Variants in HMCN1 observed in about 807,000 individuals in gnomAD.
HMCN1 encodes hemicentin-1.
A neutral mutation model predicts 625.9 loss-of-function variants in HMCN1; 321 were observed. The observed-to-expected ratio is 0.51, with a 90% confidence interval of 0.47 to 0.56. The LOEUF is 0.56. Ranked by LOEUF, HMCN1 falls within the 20% of genes least tolerant of loss-of-function variation. The pLI, the probability that HMCN1 is intolerant of heterozygous loss-of-function variation, is 0.00. For missense variants in HMCN1, 6,588 were observed against 6,887.3 expected (o/e 0.96, Z 1.54); for synonymous variants, 2,425 against 2,417.6 (o/e 1.00, Z -0.09).
chr1:185,865,045 T>C (rs1663095272), intron 3 of HMCN1, among the ~76,000 whole-genome samples: 1 of 152,350 alleles, frequency 6.6e-6, no homozygotes, highest in East Asian at 1.9e-4. Flanking sequence ...ACAATAAGCA[T>C]TTATTTCTCA....
intron 86 of HMCN1, among the ~76,000 whole-genome samples, chr1:186,135,643 G>A (rs1177082904): frequency 6.6e-6 from 1 of 152,090 alleles, no homozygotes; most frequent in Non-Finnish European, 1.5e-5. Context: ...CTATTGCATT[G>A]CCCAAATATA....
intron 2 of HMCN1, among the ~76,000 whole-genome samples, chr1:185,858,396 G>C (rs1172060313): frequency 6.6e-6 from 1 of 151,624 alleles, no homozygotes; most frequent in Non-Finnish European, 1.5e-5. Flanking sequence ...AAATGAAACT[G>C]CGGCAGACGT....
chr1:186,133,842 T>G (rs937267686), intron 86 of HMCN1, among the ~76,000 whole-genome samples: 4 of 152,102 alleles, frequency 2.6e-5, no homozygotes, highest in African/African-American at 9.7e-5. Flanking sequence ...GTTCTTTTAT[T>G]TATTAAATAT....
At chr1:185,973,131 C>A (rs1158240542) in intron 15 of HMCN1, among the ~76,000 whole-genome samples, 1 of 152,064 alleles carries the variant, frequency 6.6e-6, no homozygotes, top group Admixed American at 6.6e-5. Context: ...TAAGTGGTAC[C>A]TACCTCACTG....
At position 185,989,524 on chromosome 1, in the gene HMCN1, T is replaced by G. The variant is rs759071983; in HGVS notation, c.3085T>G (p.Ser1029Ala). ...ELISTSSAKF[S>A]AGADGSLYVV... ...GATTTCAACCAGCAGTGCTAAGTTT[T>G]CAGCAGGAGCTGATGGTAGTCTGTA... is the stretch of plus-strand genomic sequence containing the variant. Residue 1029 changes from serine to alanine, a missense_variant, in exon 21 of 107, where the codon TCA becomes GCA. Physicochemically the swap from Ser to Ala is moderately conservative, Grantham distance 99. Around this residue, in one of 3 missense-constraint regions of HMCN1, gnomAD observed 4,628 missense variants for 4,853.1 expected, o/e 0.95. Transcript: ENST00000271588. 5.6e-6 allele frequency: 9 copies of G among 1,614,090 alleles called. No homozygotes were observed. The highest frequency in any genetic ancestry group is 7.6e-6 in the Non-Finnish European group (9 of 1,179,992).
Position 185,734,532 on chromosome 1 carries a change from G to A in HMCN1, c.-248G>A. 2 of 506,792 alleles carry A rather than the reference G, an allele frequency of 3.9e-6. No homozygotes were observed. Among genetic ancestry groups the A allele is most frequent in the Non-Finnish European group, 7.1e-6 (2 of 281,748 alleles). 31.4% of individuals were successfully genotyped at this position (506,792 alleles called of 1,614,324 possible). Reference sequence around the variant, plus strand: ...GCCACAGGCTGTCCAGGGCCCGCGGGCAGATAGCAGTCCAGGAGGAAGCCG... The same window carrying A: ...GCCACAGGCTGTCCAGGGCCCGCGGACAGATAGCAGTCCAGGAGGAAGCCG... On this transcript the variant is annotated 5_prime_UTR_variant, in exon 1 of 107. Coordinates refer to ENST00000271588, the MANE Select transcript of HMCN1 (RefSeq NM_031935.3).
intron 97 of HMCN1, among the ~76,000 whole-genome samples, chr1:186,155,702 C>A (rs980217928): frequency 2.6e-5 from 4 of 152,060 alleles, no homozygotes; most frequent in Non-Finnish European, 4.4e-5. Context: ...CCTTTAAGGC[C>A]CCTTACTATC....
chr1:186,052,652 T>A (rs1383741045), intron 42 of HMCN1, among the ~76,000 whole-genome samples: 1 of 152,066 alleles, frequency 6.6e-6, no homozygotes, highest in African/African-American at 2.4e-5. Flanking sequence ...ATATCTTGCA[T>A]CAAATATACA....
chr1:185,783,618 C>G (rs1657319508), intron 1 of HMCN1, among the ~76,000 whole-genome samples: 1 of 152,132 alleles, frequency 6.6e-6, no homozygotes, highest in Non-Finnish European at 1.5e-5. Context: ...CACTCCAGAC[C>G]CTGTTTGCCT....
chr1:186,043,434 A>G (rs1195749267), intron 40 of HMCN1, among the ~76,000 whole-genome samples: 1 of 151,996 alleles, frequency 6.6e-6, no homozygotes, highest in Non-Finnish European at 1.5e-5. Context: ...TTGTTTTTGC[A>G]TTTTTTCCTC....
chr1:185,842,434 A>C (rs567815498), intron 1 of HMCN1, among the ~76,000 whole-genome samples: 1 of 152,112 alleles, frequency 6.6e-6, no homozygotes. Context: ...ATGGTGGCTT[A>C]TACCTGTGGT....
At chr1:186,132,064 G>C (rs1346584774) in intron 85 of HMCN1, among the ~76,000 whole-genome samples, 1 of 152,064 alleles carries the variant, frequency 6.6e-6, no homozygotes, top group Non-Finnish European at 1.5e-5. Flanking sequence ...TTTCTTACCA[G>C]TTAGTATTCC....
At chr1:185,901,262 C>A (rs989422234) in intron 4 of HMCN1, among the ~76,000 whole-genome samples, 1 of 151,736 alleles carries the variant, frequency 6.6e-6, no homozygotes, top group African/African-American at 2.4e-5. Flanking sequence ...CTTAGCAGCA[C>A]AAAATCTAAA....
chr1:186,175,278 G>T (rs6696063), intron 103 of HMCN1, among the ~76,000 whole-genome samples: 1,623 of 152,250 alleles, frequency 0.011, 28 homozygotes, highest in African/African-American at 0.037. Flanking sequence ...CTATCAAATT[G>T]TAGTCTTCCT....
At chr1:186,052,306 G>A (rs1243425309) in intron 42 of HMCN1, among the ~76,000 whole-genome samples, 1 of 152,102 alleles carries the variant, frequency 6.6e-6, no homozygotes, top group East Asian at 1.9e-4. Flanking sequence ...CCGTCTACCA[G>A]CTGACAGTCC....
chr1:186,129,529 C>G (rs539208545), intron 83 of HMCN1, among the ~76,000 whole-genome samples: 1 of 151,902 alleles, frequency 6.6e-6, no homozygotes, highest in Non-Finnish European at 1.5e-5. Context: ...TTTGACCTGC[C>G]AAGTCAGTTG....
At chr1:186,077,912 A>G (rs1016509377) in intron 54 of HMCN1, among the ~76,000 whole-genome samples, 195 bp from the exon 55 acceptor site, 14 of 152,160 alleles carry the variant, frequency 9.2e-5, no homozygotes, top group Admixed American at 6.5e-5. Flanking sequence ...GTTCCGATTC[A>G]TATGTTGGCT....
At chr1:185,739,730 G>T (rs1363089176) in intron 1 of HMCN1, among the ~76,000 whole-genome samples, 1 of 152,004 alleles carries the variant, frequency 6.6e-6, no homozygotes, top group East Asian at 1.9e-4. Context: ...CTATTGCAGG[G>T]GTGGGGAGTG....
At chr1:186,026,700 C>T (rs929048481) in intron 36 of HMCN1, among the ~76,000 whole-genome samples, 1 of 152,148 alleles carries the variant, frequency 6.6e-6, no homozygotes, top group African/African-American at 2.4e-5. Context: ...GTGGTACGGT[C>T]ATGACTCATT....
Sources: gnomAD v4.1 joint callset for allele counts (sites outside exome capture counted in the v4.1 genomes callset) on GRCh38, gnomAD v4.1.1 for gene constraint, gnomAD v4.1.1 regional missense constraint, MANE v1.5 for transcripts, NCBI Gene and HGNC (gene_info 2026-07-23, HGNC 2026-07-21) for gene names.